GRIP1: variants seen among roughly 807,000 people sequenced by gnomAD.
GRIP1 encodes glutamate receptor-interacting protein 1.
In GRIP1, 45 loss-of-function variants were observed where a neutral mutation model predicts 129.9. That is an observed-to-expected ratio of 0.35 (90% CI 0.27 to 0.44). GRIP1 has a LOEUF of 0.44. Among genes scored for constraint, GRIP1 ranks in the 20% least tolerant of loss-of-function variants. The pLI, the probability that GRIP1 is intolerant of heterozygous loss-of-function variation, is 1.00. For missense variants in GRIP1, 1,196 were observed against 1,396.8 expected (o/e 0.86, Z 2.29); for synonymous variants, 530 against 520.8 (o/e 1.02, Z -0.24).
chr12:66,646,353 G>A (rs2032364175), intron 1 of GRIP1, among the ~76,000 whole-genome samples: 1 of 152,182 alleles, frequency 6.6e-6, no homozygotes, highest in South Asian at 2.1e-4. Flanking sequence ...GGCGAGAGCG[G>A]TGGCTCACGG....
intron 1 of GRIP1, among the ~76,000 whole-genome samples, chr12:66,904,912 T>A (rs1216320355): frequency 1.3e-5 from 2 of 150,694 alleles, no homozygotes; most frequent in African/African-American, 2.4e-5. Flanking sequence ...CAAAAAAAAG[T>A]AAGCTTTGTT....
intron 23 of GRIP1, among the ~76,000 whole-genome samples, chr12:66,354,849 G>A (rs1292648860): frequency 7.2e-5 from 11 of 152,088 alleles, no homozygotes; most frequent in Non-Finnish European, 5.9e-5. Context: ...TTATTTTACT[G>A]GACAGACAGC....
chr12:66,405,586 A>T (rs535059198), intron 16 of GRIP1, among the ~76,000 whole-genome samples: 1 of 152,206 alleles, frequency 6.6e-6, no homozygotes, highest in Non-Finnish European at 1.5e-5. Context: ...ATATGATTCT[A>T]TGCCCTCCTA....
At chr12:66,461,043 TC>T (rs2059120657) in intron 9 of GRIP1, among the ~76,000 whole-genome samples, 1 of 152,120 alleles carries the variant, frequency 6.6e-6, no homozygotes, top group African/African-American at 2.4e-5. Context: ...AAACTTCCTA[TC>T]AGTTTCCTAT....
intron 1 of GRIP1, among the ~76,000 whole-genome samples, chr12:66,815,148 G>A (rs1320256315): frequency 6.6e-6 from 1 of 152,148 alleles, no homozygotes; most frequent in East Asian, 1.9e-4. Context: ...AAGGAATAAA[G>A]CAATTACTAT....
At chr12:66,835,691 T>C (rs767948620) in intron 1 of GRIP1, among the ~76,000 whole-genome samples, 6 of 152,154 alleles carry the variant, frequency 3.9e-5, no homozygotes, top group African/African-American at 1.2e-4. Flanking sequence ...TGCATGACAC[T>C]TGGAGAAAGC....
chr12:66,544,515 A>G (rs1391495407), intron 2 of GRIP1, among the ~76,000 whole-genome samples: 3 of 152,166 alleles, frequency 2.0e-5, no homozygotes, highest in Non-Finnish European at 4.4e-5. Context: ...TTCCAAATGC[A>G]CCATCTATTT....
intron 1 of GRIP1, among the ~76,000 whole-genome samples, chr12:66,616,691 G>A (rs2065051290): frequency 6.6e-6 from 1 of 152,224 alleles, no homozygotes; most frequent in South Asian, 2.1e-4. Flanking sequence ...TACAAAAGGT[G>A]AGGGAGGGAC....
At chr12:66,571,788 T>C (rs1037553945) in intron 2 of GRIP1, among the ~76,000 whole-genome samples, 3 of 152,234 alleles carry the variant, frequency 2.0e-5, no homozygotes, top group African/African-American at 4.8e-5. Flanking sequence ...ATGGTTATTG[T>C]ATTTCTAAAG....
At chr12:66,615,550 A>G (rs988459712) in intron 1 of GRIP1, among the ~76,000 whole-genome samples, 2 of 152,232 alleles carry the variant, frequency 1.3e-5, no homozygotes, top group East Asian at 1.9e-4. Context: ...TCCACTCTAC[A>G]TAGCAAGTAA....
chr12:66,673,182 C>T (rs1183884549), intron 1 of GRIP1, among the ~76,000 whole-genome samples: 1 of 152,162 alleles, frequency 6.6e-6, no homozygotes, highest in East Asian at 1.9e-4. Flanking sequence ...TGATTCTTAA[C>T]TTCTCTGAAC....
At chr12:66,601,445 T>C (rs2064273861) in intron 1 of GRIP1, among the ~76,000 whole-genome samples, 2 of 152,178 alleles carry the variant, frequency 1.3e-5, no homozygotes, top group African/African-American at 4.8e-5. Context: ...TGTTTCTCCA[T>C]TTCCTGAGAC....
chr12:66,934,301 T>A (rs969170237), intron 1 of GRIP1, among the ~76,000 whole-genome samples: 10 of 152,216 alleles, frequency 6.6e-5, no homozygotes, highest in Admixed American at 1.3e-4. Context: ...CGGAAAAACA[T>A]CTATTCATCC....
chr12:66,416,084 A>G (rs2057591193), intron 15 of GRIP1, among the ~76,000 whole-genome samples: 2 of 152,216 alleles, frequency 1.3e-5, no homozygotes, highest in African/African-American at 4.8e-5. Context: ...ATAAAATTTG[A>G]AGAAAAAAAA....
chr12:66,531,959 T>A (rs1161559079), intron 4 of GRIP1, among the ~76,000 whole-genome samples: 1 of 152,236 alleles, frequency 6.6e-6, no homozygotes, highest in East Asian at 1.9e-4. Flanking sequence ...ATTCTAATTC[T>A]GGGCCACCTG....
At chr12:66,830,713 G>A (rs1376578702) in intron 1 of GRIP1, among the ~76,000 whole-genome samples, 1 of 151,892 alleles carries the variant, frequency 6.6e-6, no homozygotes. Flanking sequence ...TTTTACAAAT[G>A]AGAAAACAGA....
intron 15 of GRIP1, among the ~76,000 whole-genome samples, chr12:66,410,432 G>A (rs1277865255): frequency 8.2e-5 from 12 of 146,954 alleles, no homozygotes; most frequent in Non-Finnish European, 1.8e-4. Context: ...AGGAGTTCGA[G>A]ACAAGCCTGG....
chr12:66,618,939 C>G (rs1330338906), intron 1 of GRIP1, among the ~76,000 whole-genome samples: 2 of 152,044 alleles, frequency 1.3e-5, no homozygotes, highest in African/African-American at 4.8e-5. Flanking sequence ...GTTTTGAATA[C>G]TGAGAAATTC....
At chr12:67,025,772 C>T (rs888258776) in intron 1 of GRIP1, among the ~76,000 whole-genome samples, 2 of 152,146 alleles carry the variant, frequency 1.3e-5, no homozygotes, top group African/African-American at 4.8e-5. Context: ...TGGAAGATAA[C>T]AGGATCCAGG....
Sources: allele counts gnomAD v4.1 joint callset (sites outside exome capture counted in the v4.1 genomes callset), GRCh38; gene constraint gnomAD v4.1.1; transcripts MANE v1.5; gene names NCBI Gene and HGNC (gene_info 2026-07-23, HGNC 2026-07-21).